Variants in VAMP3 observed in about 807,000 individuals in gnomAD.
The protein encoded by VAMP3 is vesicle-associated membrane protein 3.
Under a neutral mutation model 18.1 loss-of-function variants are expected in VAMP3, and 11 were observed. That is an observed-to-expected ratio of 0.61 (90% CI 0.38 to 1.00). The LOEUF is 1.00. VAMP3 is among the 50% of genes least tolerant of loss of function. VAMP3 has a pLI of 0.01. For synonymous variants in VAMP3, 49 were observed against 43.1 expected, an observed-to-expected ratio of 1.14 and a Z score of -0.53; for missense variants, 122 against 127.3, an observed-to-expected ratio of 0.96 and a Z score of 0.20.
chr1:7,771,353 C>G lies in VAMP3; in HGVS notation c.-31C>G. 6.3e-7 allele frequency: 1 copy of G among 1,592,426 alleles called. No homozygotes were observed. On this transcript the variant is annotated 5_prime_UTR_variant, in exon 1 of 5. Transcript: ENST00000054666. ...CTTCGCTTCTCTGCTGACCCTCTCT[C>G]GTCGCCGCTGCCGCCGCCGCAGCTG...
chr1:7,778,966 C>T (rs558151593), intron 4 of VAMP3, among the ~76,000 whole-genome samples: 2 of 152,250 alleles, frequency 1.3e-5, no homozygotes, highest in South Asian at 2.1e-4. Context: ...GAGGCTGAGG[C>T]GGGCAGATCA....
Position 7,777,307 on chromosome 1 carries a change from A to G in VAMP3, c.220A>G (p.Lys74Glu). ...AAKLKRKYWW[K>E]NCKMWAIGIT... ...CAAGTTGAAGAGGAAATATTGGTGG[A>G]AGAATTGCAAGGTAATTATCTTTTA... is the stretch of plus-strand genomic sequence containing the variant. Residue 74 changes from lysine to glutamate, a missense_variant, in exon 3 of 5, where the codon AAG becomes GAG. By Grantham distance (56) the Lys-to-Glu change is moderately conservative (BLOSUM62 1). Coordinates refer to ENST00000054666, the MANE Select transcript of VAMP3 (RefSeq NM_004781.4). 1 of 1,611,670 alleles carries G rather than the reference A, an allele frequency of 6.2e-7. No homozygotes were observed. Among genetic ancestry groups the G allele is most frequent in the Non-Finnish European group, 8.5e-7 (1 of 1,178,858 alleles).
chr1:7,779,578 A>T, intron 4 of VAMP3, 48 bp from the exon 5 acceptor site: 11 of 1,613,808 alleles, frequency 6.8e-6, no homozygotes, highest in Non-Finnish European at 9.3e-6. Flanking sequence ...ACACTGAGAG[A>T]CTAACCTGCT....
intron 1 of VAMP3, among the ~76,000 whole-genome samples, chr1:7,772,530 T>A (rs1354520181): frequency 1.3e-5 from 2 of 152,060 alleles, no homozygotes; most frequent in African/African-American, 2.4e-5. Flanking sequence ...GACTTCAGAG[T>A]CAGAGTGGTT....
At chr1:7,775,193 C>A (rs2097053637) in intron 2 of VAMP3, among the ~76,000 whole-genome samples, 1 of 152,160 alleles carries the variant, frequency 6.6e-6, no homozygotes, top group African/African-American at 2.4e-5. Flanking sequence ...GAAGAAATGT[C>A]TGTTCAGGCT....
rs149317381 is a variant in VAMP3 at position 7,774,170 on chromosome 1, T to G, written c.72+659T>G. On this transcript the variant is annotated intron_variant, in intron 2 of 4. Transcript: ENST00000054666. ...TGTCCGACAAATATATTTCGGTCTT[T>G]CTGCATTTAGCTGCCCTGAAAAAAC... is the stretch of plus-strand genomic sequence containing the variant. Among the ~76,000 whole-genome samples, 11 of 152,364 alleles carry G rather than the reference T, an allele frequency of 7.2e-5. No individual in the cohort carries two copies. The East Asian group carries it at 1.9e-3, about 27-fold the overall frequency.
chr1:7,777,423 G>T, intron 3 of VAMP3, 105 bp downstream of exon 3: 1 of 1,396,518 alleles, frequency 7.2e-7, no homozygotes, highest in South Asian at 1.5e-5. Context: ...AGGTGGGTTT[G>T]ACTTCCTCCA....
At chr1:7,779,515 G>C in intron 4 of VAMP3, 111 bp from the exon 5 acceptor site, 1 of 1,490,850 alleles carries the variant, frequency 6.7e-7, no homozygotes, top group Non-Finnish European at 9.3e-7. Context: ...AATCAGCCCA[G>C]TCTAATTTCT....
At chr1:7,774,461 T>C (rs986064797) in intron 2 of VAMP3, among the ~76,000 whole-genome samples, 8 of 152,206 alleles carry the variant, frequency 5.3e-5, no homozygotes, top group African/African-American at 9.7e-5. Context: ...TTGAGTGTTA[T>C]TTAGTATATT....
chr1:7,775,968 C>A (rs2097054121), intron 2 of VAMP3, among the ~76,000 whole-genome samples: 1 of 152,210 alleles, frequency 6.6e-6, no homozygotes, highest in African/African-American at 2.4e-5. Flanking sequence ...TGTCAAAAAT[C>A]AATTGGCCAT....
chr1:7,772,248 G>A (rs553067338), intron 1 of VAMP3, among the ~76,000 whole-genome samples: 1 of 152,340 alleles, frequency 6.6e-6, no homozygotes, highest in Non-Finnish European at 1.5e-5. Flanking sequence ...AGAGTCTAGC[G>A]CCACGGCATG....
chr1:7,780,527 G>A lies in VAMP3; in HGVS notation c.*882G>A, dbSNP rs544187532. On this transcript the variant is annotated 3_prime_UTR_variant, in exon 5 of 5. Coordinates refer to ENST00000054666, the MANE Select transcript of VAMP3 (RefSeq NM_004781.4). ...CTTCTGATTCAGTATTTTGCATGGGGGTTAGAGAAGGTTTGAGGTAGACTC... is the reference window on the plus strand; with the variant it reads ...CTTCTGATTCAGTATTTTGCATGGGAGTTAGAGAAGGTTTGAGGTAGACTC... The A allele has an allele frequency of 2.0e-5, 3 of 152,556 alleles. No individual in the cohort carries two copies. The highest frequency in any genetic ancestry group is 2.1e-4 in the South Asian group (1 of 4,824). 9.5% of individuals were successfully genotyped at this position (152,556 alleles called of 1,614,324 possible). A position where few individuals can be genotyped will look rare whatever the true frequency, so the allele number is the denominator to read the frequency against.
At position 7,779,757 on chromosome 1, in the gene VAMP3, T is replaced by C; in HGVS notation, c.*112T>C. On this transcript the variant is annotated 3_prime_UTR_variant, in exon 5 of 5. Transcript: ENST00000054666. Reference sequence around the variant, plus strand: ...TGTTATCTCTAAAATTTTTTTTGTGTTAATGTAAAGTTGAATTTCTAGGAA... The same window carrying C: ...TGTTATCTCTAAAATTTTTTTTGTGCTAATGTAAAGTTGAATTTCTAGGAA... 3 of 1,469,734 alleles carry C rather than the reference T, an allele frequency of 2.0e-6. No homozygotes were observed. The highest frequency in any genetic ancestry group is 2.8e-6 in the Non-Finnish European group (3 of 1,070,012). The allele number at this position is 1,469,734 out of a possible 1,614,324, so 91.0% of individuals were successfully genotyped here. A position where few individuals can be genotyped will look rare whatever the true frequency, so the allele number is the denominator to read the frequency against.
chr1:7,773,476 C>T lies in VAMP3; in HGVS notation c.37C>T (p.Arg13Ter), dbSNP rs549256170. 17 of 1,613,920 alleles carry T rather than the reference C, an allele frequency of 1.1e-5. No homozygotes were observed. Among genetic ancestry groups the T allele is most frequent in the Non-Finnish European group, 1.4e-5 (16 of 1,180,014 alleles). The change falls in exon 2 of 5, where the codon CGA becomes TGA. Residue 13 changes from arginine (R) to a stop codon, truncating the protein, a stop_gained. Coordinates refer to ENST00000054666, the MANE Select transcript of VAMP3 (RefSeq NM_004781.4). LOFTEE classifies it high-confidence loss of function. Reference sequence around the variant, plus strand: ...TCCAACTGCTGCCACTGGCAGTAATCGAAGACTTCAGCAGACACAAAATCA... The same window carrying T: ...TCCAACTGCTGCCACTGGCAGTAATTGAAGACTTCAGCAGACACAAAATCA... ...TGPTAATGSN[R>*]RLQQTQNQVD...
intron 2 of VAMP3, among the ~76,000 whole-genome samples, chr1:7,775,270 T>A (rs1390776789): frequency 6.6e-6 from 1 of 152,226 alleles, no homozygotes; most frequent in African/African-American, 2.4e-5. Context: ...TATTAAATCT[T>A]TCTTTATCAG....
chr1:7,778,007 G>C, intron 3 of VAMP3, 111 bp from the exon 4 acceptor site: 2 of 1,153,660 alleles, frequency 1.7e-6, no homozygotes, highest in South Asian at 2.5e-5. Context: ...ACTCCAGACT[G>C]TATGCACCTG....
At chr1:7,774,680 T>G (rs147495227) in intron 2 of VAMP3, among the ~76,000 whole-genome samples, 1 of 152,366 alleles carries the variant, frequency 6.6e-6, no homozygotes, top group East Asian at 1.9e-4. Flanking sequence ...TGCATCTGCC[T>G]TCTTTCACTT....
At chr1:7,777,462 G>C in intron 3 of VAMP3, 144 bp downstream of exon 3, 2 of 1,082,514 alleles carry the variant, frequency 1.8e-6, no homozygotes, top group Non-Finnish European at 2.6e-6. Flanking sequence ...CTGTGAATCC[G>C]AAACACTGAC....
chr1:7,778,667 C>T (rs1286976767), intron 4 of VAMP3, among the ~76,000 whole-genome samples: 2 of 152,090 alleles, frequency 1.3e-5, no homozygotes, highest in African/African-American at 2.4e-5. Context: ...AAAATCTATT[C>T]ATTTCCACTT....
Sources: gnomAD v4.1 joint callset for allele counts (sites outside exome capture counted in the v4.1 genomes callset) on GRCh38, gnomAD v4.1.1 for gene constraint, MANE v1.5 for transcripts, NCBI Gene and HGNC (gene_info 2026-07-23, HGNC 2026-07-21) for gene names.